Variants in SHC4 observed in about 807,000 individuals in gnomAD.
SHC4 encodes SHC adaptor protein 4.
SHC4 carries 41 observed loss-of-function variants against 69.4 expected under a neutral mutation model. The ratio of observed to expected loss-of-function variants is 0.59; its 90% CI spans 0.46 to 0.77. The LOEUF (loss-of-function observed/expected upper bound fraction) is 0.77, where lower values mean the gene tolerates loss of function less well. SHC4 is among the 30% of genes least tolerant of loss of function. The probability of loss-of-function intolerance (pLI) is 0.00; values close to 1 mark genes in which losing one functional copy is unlikely to be tolerated. For missense variants in SHC4, 777 were observed against 783.8 expected (o/e 0.99, Z 0.10); for synonymous variants, 318 against 299.3 (o/e 1.06, Z -0.64).
chr15:48,842,562 T>C (rs1320283452), intron 10 of SHC4, among the ~76,000 whole-genome samples: 1 of 152,088 alleles, frequency 6.6e-6, no homozygotes, highest in African/African-American at 2.4e-5. Context: ...GAAAACTCAA[T>C]CCCTGAAAAT....
intron 6 of SHC4, among the ~76,000 whole-genome samples, chr15:48,862,894 C>T (rs761097330): frequency 1.3e-5 from 2 of 151,936 alleles, no homozygotes; most frequent in Non-Finnish European, 2.9e-5. Context: ...TGGCTTCCCC[C>T]ACTCCCTGAC....
intron 8 of SHC4, among the ~76,000 whole-genome samples, chr15:48,851,593 T>C (rs1273653667): frequency 2.0e-5 from 3 of 152,180 alleles, no homozygotes; most frequent in Non-Finnish European, 2.9e-5. Context: ...GCTATAAACA[T>C]TGGCCATGTA....
rs557986112 is a variant in SHC4, at chr15:48,849,227, C to T, written c.1303+1961G>A. Among the ~76,000 whole-genome samples the T allele has an allele frequency of 1.8e-4, 27 of 152,180 alleles. 1 individual carries two copies. The South Asian group carries it at 4.8e-3, about 27-fold the overall frequency. ...CCCATTTATTTTCTCTCTCTTCTTTCCCCTGCTCTCTCTCCCTCTCTCCCT... is the reference window on the plus strand; with the variant it reads ...CCCATTTATTTTCTCTCTCTTCTTTTCCCTGCTCTCTCTCCCTCTCTCCCT... On this transcript the variant is annotated intron_variant, in intron 9 of 11. Coordinates refer to ENST00000332408, the MANE Select transcript of SHC4 (RefSeq NM_203349.4).
intron 1 of SHC4, among the ~76,000 whole-genome samples, chr15:48,951,283 C>T (rs1415130637): frequency 3.3e-5 from 5 of 152,140 alleles, no homozygotes; most frequent in Non-Finnish European, 5.9e-5. Flanking sequence ...GACCCATTTC[C>T]AAAGGGGTGA....
At chr15:48,898,796 C>T (rs1450651992) in intron 2 of SHC4, among the ~76,000 whole-genome samples, 2 of 152,096 alleles carry the variant, frequency 1.3e-5, no homozygotes, top group Admixed American at 1.3e-4. Context: ...AACACCTACA[C>T]CCACAAACTG....
intron 2 of SHC4, among the ~76,000 whole-genome samples, chr15:48,908,464 G>A (rs958468375): frequency 1.3e-5 from 2 of 152,190 alleles, no homozygotes; most frequent in Non-Finnish European, 2.9e-5. Flanking sequence ...TTTGTCAGAT[G>A]TATAGATTGT....
chr15:48,934,554 A>G (rs1189450243), intron 1 of SHC4, among the ~76,000 whole-genome samples: 1 of 152,194 alleles, frequency 6.6e-6, no homozygotes, highest in African/African-American at 2.4e-5. Flanking sequence ...CAAACAGTTA[A>G]ACATAGAATT....
At chr15:48,844,378 C>G (rs571271032) in intron 9 of SHC4, among the ~76,000 whole-genome samples, 25 of 152,306 alleles carry the variant, frequency 1.6e-4, no homozygotes, top group Admixed American at 9.8e-4. Flanking sequence ...AGGCCTTGCT[C>G]TGTCTACCCA....
At chr15:48,895,929 A>G (rs923194761) in intron 2 of SHC4, among the ~76,000 whole-genome samples, 4 of 151,928 alleles carry the variant, frequency 2.6e-5, no homozygotes, top group East Asian at 1.9e-4. Flanking sequence ...AAAAATATAT[A>G]TATTTTTAAA....
In SHC4 at chr15:48,855,968, T is replaced by C. The variant is rs1439448887; in HGVS notation, c.1227A>G (p.Glu409=). 2 of 1,610,962 alleles carry C rather than the reference T, an allele frequency of 1.2e-6. No homozygotes were observed. Among genetic ancestry groups the C allele is most frequent in the Admixed American group, 1.7e-5 (1 of 59,536 alleles). Residue 409 remains glutamate (E), a synonymous_variant, in exon 8 of 12, where the codon GAA becomes GAG. Coordinates refer to ENST00000332408, the MANE Select transcript of SHC4 (RefSeq NM_203349.4). ...EQMAYCPIQC[E]KLCYLPGNSK... The stretch of plus-strand genomic sequence containing the variant: ...CATTACATACCAAATAGCACAACTT[T>C]TCACACTGTATGGGGCAGTAAGCCA...
At chr15:48,838,753 A>G (rs368157852) in intron 10 of SHC4, among the ~76,000 whole-genome samples, 2 of 152,344 alleles carry the variant, frequency 1.3e-5, no homozygotes, top group East Asian at 3.9e-4. Context: ...ATATATACTA[A>G]GAGCTTGATA....
At position 48,854,956 on chromosome 15, in the gene SHC4, C is replaced by T. The variant is rs529401374; in HGVS notation, c.1242+997G>A. On this transcript the variant is annotated intron_variant, in intron 8 of 11. Transcript: ENST00000332408. ...TAACAAACCTGCACACATACTCCCT[C>T]AATCTAAAATAAAAATTGAATTTAG... is the stretch of plus-strand genomic sequence containing the variant. 5.3e-5 allele frequency among the ~76,000 whole-genome samples: 8 copies of T among 152,134 alleles called. No homozygotes were observed. The South Asian group carries it at 1.7e-3, about 32-fold the overall frequency.
Position 48,963,026 on chromosome 15 carries a change from G to A in SHC4, c.-11C>T, listed in dbSNP as rs1901573894. On this transcript the variant is annotated 5_prime_UTR_variant, in exon 1 of 12. Transcript: ENST00000332408. ...GCCGCGTTCTCGCATAGCCTTGGCA[G>A]TGCTGAAACAGGATACTGTTGCATA... The A allele has an allele frequency of 2.5e-6, 4 of 1,594,024 alleles. No homozygotes were observed. Among genetic ancestry groups the A allele is most frequent in the South Asian group, 2.3e-5 (2 of 88,558 alleles).
chr15:48,898,029 C>T (rs981602431), intron 2 of SHC4, among the ~76,000 whole-genome samples: 9 of 152,148 alleles, frequency 5.9e-5, no homozygotes, highest in African/African-American at 2.2e-4. Context: ...CTTGGATTGC[C>T]TTCTTATTAT....
rs772348298 is a variant in SHC4 at position 48,963,035 on chromosome 15, C to T, written c.-20G>A. Reference sequence around the variant, plus strand: ...TCGCATAGCCTTGGCAGTGCTGAAACAGGATACTGTTGCATAAATCGCCTC... The same window carrying T: ...TCGCATAGCCTTGGCAGTGCTGAAATAGGATACTGTTGCATAAATCGCCTC... On this transcript the variant is annotated 5_prime_UTR_variant, in exon 1 of 12. Coordinates refer to ENST00000332408, the MANE Select transcript of SHC4 (RefSeq NM_203349.4). 1 of 1,587,476 alleles carries T rather than the reference C, an allele frequency of 6.3e-7. No homozygotes were observed.
chr15:48,892,332 G>C (rs1900152187), intron 2 of SHC4, among the ~76,000 whole-genome samples: 1 of 152,080 alleles, frequency 6.6e-6, no homozygotes, highest in Admixed American at 6.5e-5. Context: ...TCTTCTTCAA[G>C]GTATTATCTT....
intron 4 of SHC4, chr15:48,878,372 A>T: frequency 6.2e-7 from 1 of 1,613,076 alleles, no homozygotes. Flanking sequence ...GGCCCAGCCA[A>T]TGGCGGCGCC....
chr15:48,897,473 C>A (rs1427240425), intron 2 of SHC4, among the ~76,000 whole-genome samples: 1 of 151,726 alleles, frequency 6.6e-6, no homozygotes, highest in African/African-American at 2.4e-5. Flanking sequence ...TGTTTTTAAC[C>A]CTTAAACAGT....
intron 2 of SHC4, among the ~76,000 whole-genome samples, chr15:48,895,477 G>C (rs7162426): frequency 6.6e-6 from 1 of 151,944 alleles, no homozygotes; most frequent in Admixed American, 6.6e-5. Context: ...TAATACCCGC[G>C]TGGCTGGTAA....
Sources: allele counts gnomAD v4.1 joint callset (sites outside exome capture counted in the v4.1 genomes callset), GRCh38; gene constraint gnomAD v4.1.1; transcripts MANE v1.5; gene names NCBI Gene and HGNC (gene_info 2026-07-23, HGNC 2026-07-21).